Variants in ZCCHC7 observed in about 807,000 individuals in gnomAD.
The protein encoded by ZCCHC7 is zinc finger CCHC-type containing 7.
A neutral mutation model predicts 52.0 loss-of-function variants in ZCCHC7; 35 were observed. That is an observed-to-expected ratio of 0.67 (90% CI 0.51 to 0.89). The LOEUF is 0.89. Among genes scored for constraint, ZCCHC7 ranks in the 40% least tolerant of loss-of-function variants. The pLI is 0.00. For synonymous variants in ZCCHC7, 217 were observed against 221.5 expected (o/e 0.98, Z 0.18); for missense variants, 574 against 649.1 (o/e 0.88, Z 1.26).
At chr9:37,151,060 G>A (rs1820493072) in intron 2 of ZCCHC7, among the ~76,000 whole-genome samples, 1 of 151,524 alleles carries the variant, frequency 6.6e-6, no homozygotes, top group South Asian at 2.1e-4. Context: ...CGCCTCCCGG[G>A]TTTACGCCAT....
intron 2 of ZCCHC7, among the ~76,000 whole-genome samples, chr9:37,211,352 GGTTT>G (rs1206384184): frequency 5.3e-5 from 8 of 151,936 alleles, no homozygotes; most frequent in African/African-American, 1.7e-4. Flanking sequence ...AGGGTTTTTT[GGTTT>G]GTTTGTTTTG....
intron 2 of ZCCHC7, among the ~76,000 whole-genome samples, chr9:37,163,861 T>G (rs1339075280): frequency 6.6e-6 from 1 of 152,208 alleles, no homozygotes; most frequent in Non-Finnish European, 1.5e-5. Context: ...TTATATGATG[T>G]GAGGTGTAAA....
chr9:37,340,409 A>G (rs77230972), intron 6 of ZCCHC7, among the ~76,000 whole-genome samples: 1 of 50,772 alleles, frequency 2.0e-5, no homozygotes, highest in African/African-American at 1.6e-4. Flanking sequence ...GTCTGCAACC[A>G]AAAAAAAAAA....
At chr9:37,233,081 C>G (rs1237074286) in intron 2 of ZCCHC7, among the ~76,000 whole-genome samples, 1 of 152,022 alleles carries the variant, frequency 6.6e-6, no homozygotes, top group African/African-American at 2.4e-5. Context: ...TAAGGTATCC[C>G]AAGGAAATAC....
chr9:37,302,013 A>G (rs1163552425), intron 2 of ZCCHC7, among the ~76,000 whole-genome samples, 175 bp from the exon 3 acceptor site: 1 of 152,234 alleles, frequency 6.6e-6, no homozygotes, highest in Non-Finnish European at 1.5e-5. Flanking sequence ...GAGGTTAAGT[A>G]TTTGTCCAGG....
chr9:37,323,068 AC>A (rs1353601855), intron 5 of ZCCHC7, among the ~76,000 whole-genome samples: 4 of 150,570 alleles, frequency 2.7e-5, no homozygotes, highest in Non-Finnish European at 4.5e-5. Flanking sequence ...GCCCCGTTTT[AC>A]CTATGAGGAA....
At chr9:37,296,881 T>TTGTGTATGTGTGTGTG (rs1396008500) in intron 2 of ZCCHC7, among the ~76,000 whole-genome samples, 11 of 124,136 alleles carry the variant, frequency 8.9e-5, no homozygotes, top group African/African-American at 3.0e-4. Context: ...CCTGGCTAGT[T>TTGTGTATGTGTGTGTG]TGTGTGTGTG....
chr9:37,310,461 C>T (rs1426737447), intron 5 of ZCCHC7, among the ~76,000 whole-genome samples: 2 of 152,072 alleles, frequency 1.3e-5, no homozygotes, highest in African/African-American at 2.4e-5. Context: ...ACCACTATGC[C>T]CTTAGCATAT....
Position 37,253,216 on chromosome 9 carries a change from A to G in ZCCHC7, c.611-48972A>G, listed in dbSNP as rs1174061897. ...GTGATTTCCCTTTATTTCCTGAAGAATAATAATTAGATTATGCTATTCTTT... is the reference window on the plus strand; with the variant it reads ...GTGATTTCCCTTTATTTCCTGAAGAGTAATAATTAGATTATGCTATTCTTT... On this transcript the variant is annotated intron_variant, in intron 2 of 8. Coordinates refer to ENST00000336755, the MANE Select transcript of ZCCHC7 (RefSeq NM_032226.3). 5.3e-5 allele frequency among the ~76,000 whole-genome samples: 8 copies of G among 152,158 alleles called. 1 individual carries two copies. In the South Asian group the frequency reaches 1.0e-3, roughly 20 times the overall value.
At chr9:37,284,673 C>G (rs1254289371) in intron 2 of ZCCHC7, among the ~76,000 whole-genome samples, 1 of 152,062 alleles carries the variant, frequency 6.6e-6, no homozygotes, top group Non-Finnish European at 1.5e-5. Flanking sequence ...TGTATTTTTT[C>G]TGTATAAGGG....
chr9:37,295,303 A>G lies in ZCCHC7; in HGVS notation c.611-6885A>G, dbSNP rs78345339. 5.2e-3 allele frequency among the ~76,000 whole-genome samples: 789 copies of G among 152,350 alleles called. 7 individuals carry two copies. Among genetic ancestry groups the G allele is most frequent in the African/African-American group, 0.018 (734 of 41,584 alleles). ...TAGCTGGAACATTGGGACCAGGAAA[A>G]TGAAGCAAGAGAAACAAGTAAAGGC... On this transcript the variant is annotated intron_variant, in intron 2 of 8. Coordinates refer to ENST00000336755, the MANE Select transcript of ZCCHC7 (RefSeq NM_032226.3).
chr9:37,211,036 C>T (rs569795454), intron 2 of ZCCHC7, among the ~76,000 whole-genome samples: 21 of 152,118 alleles, frequency 1.4e-4, no homozygotes, highest in Non-Finnish European at 1.9e-4. Flanking sequence ...GCTAATGTCT[C>T]CAGTTGATCA....
chr9:37,158,765 A>G (rs1820942721), intron 2 of ZCCHC7, among the ~76,000 whole-genome samples: 1 of 152,152 alleles, frequency 6.6e-6, no homozygotes, highest in East Asian at 1.9e-4. Context: ...TATTTTGTAC[A>G]CTATGTGTGA....
At chr9:37,222,557 AC>A (rs1411229322) in intron 2 of ZCCHC7, among the ~76,000 whole-genome samples, 1 of 152,152 alleles carries the variant, frequency 6.6e-6, no homozygotes, top group Non-Finnish European at 1.5e-5. Context: ...ACTATAAAGT[AC>A]TAGAAGGAAA....
chr9:37,346,928 C>T (rs1368600637), intron 6 of ZCCHC7, among the ~76,000 whole-genome samples: 3 of 151,914 alleles, frequency 2.0e-5, no homozygotes, highest in East Asian at 3.9e-4. Flanking sequence ...CCTGGGAGGT[C>T]GAGGCTGCAG....
intron 2 of ZCCHC7, among the ~76,000 whole-genome samples, chr9:37,189,041 G>A (rs771769656): frequency 3.2e-5 from 4 of 126,404 alleles, no homozygotes; most frequent in African/African-American, 6.2e-5. Flanking sequence ...AAATCTGTCA[G>A]CTATCTAGCC....
chr9:37,199,471 A>G (rs1823480269), intron 2 of ZCCHC7, among the ~76,000 whole-genome samples: 1 of 149,560 alleles, frequency 6.7e-6, no homozygotes, highest in Admixed American at 6.7e-5. Context: ...AGCTGGGATT[A>G]TAGGCATACA....
At chr9:37,273,653 C>T (rs1827542212) in intron 2 of ZCCHC7, among the ~76,000 whole-genome samples, 3 of 152,162 alleles carry the variant, frequency 2.0e-5, no homozygotes, top group Non-Finnish European at 2.9e-5. Context: ...GAATTCTTAC[C>T]TCCTGGTCAA....
chr9:37,188,526 C>T lies in ZCCHC7; in HGVS notation c.610+61584C>T, dbSNP rs1436954174. ...CTTCCTTCCCCCTCCCCCCTCTCCC[C>T]ACCCCTCCTTATTACCCTCCCCCCT... On this transcript the variant is annotated intron_variant, in intron 2 of 8. Coordinates refer to ENST00000336755, the MANE Select transcript of ZCCHC7 (RefSeq NM_032226.3). Among the ~76,000 whole-genome samples the T allele has an allele frequency of 2.9e-5, 3 of 103,972 alleles. No individual in the cohort carries two copies. The East Asian group carries it at 1.1e-3, about 38-fold the overall frequency. 68.2% of individuals were successfully genotyped at this position (103,972 alleles called of 152,430 possible).
Sources: allele counts gnomAD v4.1 joint callset (sites outside exome capture counted in the v4.1 genomes callset), GRCh38; gene constraint gnomAD v4.1.1; transcripts MANE v1.5; gene names NCBI Gene and HGNC (gene_info 2026-07-23, HGNC 2026-07-21).